KCNH7: variants seen among roughly 807,000 people sequenced by gnomAD.
KCNH7 encodes the protein potassium voltage-gated channel subfamily H member 7, also known as voltage-gated inwardly rectifying potassium channel KCNH7.
A neutral mutation model predicts 120.8 loss-of-function variants in KCNH7; 49 were observed. The ratio of observed to expected loss-of-function variants is 0.41; its 90% CI spans 0.32 to 0.51. The LOEUF (loss-of-function observed/expected upper bound fraction) is 0.51, where lower values mean the gene tolerates loss of function less well. Among genes scored for constraint, KCNH7 ranks in the 20% least tolerant of loss-of-function variants. The probability of loss-of-function intolerance (pLI) is 0.38; values close to 1 mark genes in which losing one functional copy is unlikely to be tolerated. For missense variants in KCNH7, 1,097 were observed against 1,446.6 expected (o/e 0.76, Z 3.92); for synonymous variants, 547 against 516.1 (o/e 1.06, Z -0.81).
intron 2 of KCNH7, among the ~76,000 whole-genome samples, chr2:162,653,873 G>T (rs1222973713): frequency 3.9e-5 from 6 of 152,132 alleles, no homozygotes; most frequent in African/African-American, 1.4e-4. Context: ...GCACAAAAGT[G>T]CCAAAAACAT....
chr2:162,838,485 T>G lies in KCNH7; in HGVS notation c.34A>C (p.Asn12His). 1 of 1,613,714 alleles carries G rather than the reference T, an allele frequency of 6.2e-7. No homozygotes were observed. The highest frequency in any genetic ancestry group is 8.5e-7 in the Non-Finnish European group (1 of 1,179,964). ...CGAATGATGGTCCCCAGAAATGTATTTTGTGGTGCCACATGCCCCCTGCGC... is the reference window on the plus strand; with the variant it reads ...CGAATGATGGTCCCCAGAAATGTATGTTGTGGTGCCACATGCCCCCTGCGC... ...PVRRGHVAPQ[N>H]TFLGTIIRKF... The change falls in exon 1 of 16, where the codon AAT becomes CAT. Residue 12 changes from asparagine (N) to histidine (H), a missense_variant. Physicochemically the swap from Asn to His is moderately conservative, Grantham distance 68 (BLOSUM62 1). Around this residue, in one of 8 missense-constraint regions of KCNH7, gnomAD observed 57 missense variants for 116.2 expected, o/e 0.49. Coordinates refer to ENST00000332142, the MANE Select transcript of KCNH7 (RefSeq NM_033272.4).
rs67006443 is a variant in KCNH7, at chr2:162,492,865, G to GTTTTTTT, written c.1128+11571_1128+11577dup. Among the ~76,000 whole-genome samples the GTTTTTTT allele has an allele frequency of 4.7e-4, 27 of 57,192 alleles. 1 individual carries two copies. Among genetic ancestry groups the GTTTTTTT allele is most frequent in the Non-Finnish European group, 6.4e-4 (18 of 28,072 alleles). 37.5% of individuals were successfully genotyped at this position (57,192 alleles called of 152,430 possible). On this transcript the variant is annotated intron_variant, in intron 6 of 15. Transcript: ENST00000332142. ...CTATGTTTTTCTCTTCTTGGATCTTGTTTTTTTTTTTTTTTTTTTTTTTTT... is the reference window on the plus strand; with the variant it reads ...CTATGTTTTTCTCTTCTTGGATCTTGTTTTTTTTTTTTTTTTTTTTTTTTTTTTTTTT...
At chr2:162,626,317 C>T (rs1683556421) in intron 2 of KCNH7, among the ~76,000 whole-genome samples, 1 of 152,060 alleles carries the variant, frequency 6.6e-6, no homozygotes, top group Non-Finnish European at 1.5e-5. Flanking sequence ...AACACAACAT[C>T]TTATAACCAT....
At chr2:162,769,804 A>C (rs1682972063) in intron 2 of KCNH7, among the ~76,000 whole-genome samples, 1 of 152,124 alleles carries the variant, frequency 6.6e-6, no homozygotes, top group East Asian at 1.9e-4. Context: ...AACATTAAAA[A>C]CGGCATCTGC....
intron 1 of KCNH7, 42 bp downstream of exon 1, chr2:162,838,401 A>AG: frequency 3.3e-6 from 5 of 1,532,954 alleles, no homozygotes; most frequent in Non-Finnish European, 4.5e-6. Flanking sequence ...TGCACTAACA[A>AG]GGCAGAAAGC....
intron 2 of KCNH7, among the ~76,000 whole-genome samples, chr2:162,685,198 G>T (rs920380532): frequency 1.3e-5 from 2 of 151,890 alleles, no homozygotes; most frequent in African/African-American, 4.8e-5. Context: ...GCCTGTTGGG[G>T]CTGGGGAACT....
chr2:162,782,840 G>A (rs984250191), intron 2 of KCNH7, among the ~76,000 whole-genome samples: 19 of 152,204 alleles, frequency 1.2e-4, no homozygotes, highest in African/African-American at 4.3e-4. Context: ...ATCTGGTTAA[G>A]CTGGAAATCA....
chr2:162,779,682 A>G (rs1262109765), intron 2 of KCNH7, among the ~76,000 whole-genome samples: 7 of 152,146 alleles, frequency 4.6e-5, no homozygotes, highest in South Asian at 2.1e-4. Context: ...TACCCCACTT[A>G]TAACAGCATC....
intron 6 of KCNH7, among the ~76,000 whole-genome samples, chr2:162,470,854 T>C (rs917001169): frequency 6.6e-6 from 1 of 152,206 alleles, no homozygotes; most frequent in Admixed American, 6.5e-5. Flanking sequence ...GCTGTGTCTG[T>C]GTAGAAAGAA....
At chr2:162,809,004 C>G (rs10497228) in intron 2 of KCNH7, among the ~76,000 whole-genome samples, 70,954 of 151,912 alleles carry the variant, frequency 0.47, 18,766 homozygotes, top group South Asian at 0.67. Flanking sequence ...TAGACAGTAT[C>G]CACTGATAGA....
At chr2:162,399,918 T>G (rs1348820216) in intron 10 of KCNH7, among the ~76,000 whole-genome samples, 1 of 151,924 alleles carries the variant, frequency 6.6e-6, no homozygotes, top group Non-Finnish European at 1.5e-5. Context: ...TATTTTCCTA[T>G]ATTTGGCCTC....
intron 6 of KCNH7, among the ~76,000 whole-genome samples, chr2:162,479,307 G>T (rs1689848901): frequency 6.6e-6 from 1 of 151,760 alleles, no homozygotes; most frequent in South Asian, 2.1e-4. Context: ...GTGTATTGAT[G>T]AAAGGTTTTA....
intron 2 of KCNH7, among the ~76,000 whole-genome samples, chr2:162,743,578 AT>A (rs917991334): frequency 6.6e-6 from 1 of 152,136 alleles, no homozygotes; most frequent in African/African-American, 2.4e-5. Flanking sequence ...AGAATACCAG[AT>A]TTATCATATT....
At chr2:162,527,766 C>T (rs1230373173) in intron 3 of KCNH7, among the ~76,000 whole-genome samples, 1 of 151,822 alleles carries the variant, frequency 6.6e-6, no homozygotes, top group Non-Finnish European at 1.5e-5. Flanking sequence ...AATGGATATC[C>T]TTTAATCCTT....
chr2:162,738,690 G>A (rs373622055), intron 2 of KCNH7, among the ~76,000 whole-genome samples: 20 of 152,192 alleles, frequency 1.3e-4, no homozygotes, highest in African/African-American at 4.6e-4. Flanking sequence ...TGGCTGTTAA[G>A]CAATTTCTTA....
At chr2:162,393,284 A>G (rs936246944) in intron 12 of KCNH7, among the ~76,000 whole-genome samples, 1 of 151,958 alleles carries the variant, frequency 6.6e-6, no homozygotes, top group Non-Finnish European at 1.5e-5. Flanking sequence ...TTGAGATTTC[A>G]GGTAGATGAT....
chr2:162,429,243 T>A (rs1315209393), intron 8 of KCNH7, among the ~76,000 whole-genome samples: 3 of 151,936 alleles, frequency 2.0e-5, no homozygotes, highest in Non-Finnish European at 4.4e-5. Flanking sequence ...ATACTTCTAT[T>A]TCTTCTTCCC....
intron 9 of KCNH7, among the ~76,000 whole-genome samples, chr2:162,421,536 T>C (rs1021776869): frequency 7.2e-5 from 11 of 152,168 alleles, no homozygotes; most frequent in Admixed American, 5.2e-4. Flanking sequence ...CTGGAAATCA[T>C]TTAACAAGCT....
chr2:162,487,986 T>C (rs1690157700), intron 6 of KCNH7, among the ~76,000 whole-genome samples: 1 of 152,182 alleles, frequency 6.6e-6, no homozygotes, highest in African/African-American at 2.4e-5. Flanking sequence ...TTTAGCTCAC[T>C]CTCATTAGGC....
Sources: gnomAD v4.1 joint callset for allele counts (sites outside exome capture counted in the v4.1 genomes callset) on GRCh38, gnomAD v4.1.1 for gene constraint, gnomAD v4.1.1 regional missense constraint, MANE v1.5 for transcripts, NCBI Gene and HGNC (gene_info 2026-07-23, HGNC 2026-07-21) for gene names.